The following DPYD variants were observed in gnomAD, a reference collection of about 807,000 sequenced individuals.
DPYD encodes dihydropyrimidine dehydrogenase [NADP(+)].
In DPYD, 109 loss-of-function variants were observed where a neutral mutation model predicts 116.2. The observed-to-expected ratio is 0.94, with a 90% CI of 0.80 to 1.10. DPYD has a LOEUF of 1.10. Ranked by LOEUF, DPYD falls within the 50% of genes least tolerant of loss-of-function variation. The pLI, the probability that DPYD is intolerant of heterozygous loss-of-function variation, is 0.00. For synonymous variants in DPYD, 440 were observed against 432.0 expected (o/e 1.02, Z -0.23); for missense variants, 1,302 against 1,254.5 (o/e 1.04, Z -0.57).
intron 3 of DPYD, chr1:97,775,122 C>A (rs979859168): frequency 6.4e-6 from 1 of 155,564 alleles, no homozygotes; most frequent in Non-Finnish European, 1.4e-5. Context: ...TTCACTTGTA[C>A]TCTCAATTTC....
intron 12 of DPYD, among the ~76,000 whole-genome samples, chr1:97,518,932 T>C (rs1485307490): frequency 2.6e-5 from 4 of 152,106 alleles, no homozygotes; most frequent in African/African-American, 9.7e-5. Context: ...AAAACACATA[T>C]ATCTATTTTG....
At chr1:97,420,898 C>T (rs1674546341) in intron 14 of DPYD, among the ~76,000 whole-genome samples, 1 of 152,166 alleles carries the variant, frequency 6.6e-6, no homozygotes, top group Admixed American at 6.6e-5. Flanking sequence ...GTAATTAATA[C>T]TCTGAACTAC....
intron 5 of DPYD, among the ~76,000 whole-genome samples, chr1:97,716,494 G>A (rs748970514): frequency 5.3e-5 from 8 of 151,956 alleles, no homozygotes; most frequent in Non-Finnish European, 5.9e-5. Flanking sequence ...TCATACATAT[G>A]ATCTTACTGT....
Position 97,165,343 on chromosome 1 carries a change from C to T in DPYD, c.2622+27726G>A, listed in dbSNP as rs1164236792. Among the ~76,000 whole-genome samples the T allele has an allele frequency of 4.6e-5, 7 of 152,012 alleles. No homozygotes were observed. The South Asian group carries it at 6.2e-4, about 14-fold the overall frequency. ...AGCAATGGGGAAAAGACTCCCTGTT[C>T]GATAAATGATGCTGAGATAAATGGC... is the stretch of plus-strand genomic sequence containing the variant. On this transcript the variant is annotated intron_variant, in intron 20 of 22. Coordinates refer to ENST00000370192, the MANE Select transcript of DPYD (RefSeq NM_000110.4).
intron 11 of DPYD, among the ~76,000 whole-genome samples, chr1:97,566,199 T>C (rs2102153768): frequency 6.6e-6 from 1 of 152,310 alleles, no homozygotes; most frequent in Middle Eastern, 3.4e-3. Context: ...GTACAATTTA[T>C]TGTAATTCTG....
intron 5 of DPYD, among the ~76,000 whole-genome samples, chr1:97,713,728 T>G (rs1662427933): frequency 2.0e-5 from 3 of 152,172 alleles, no homozygotes; most frequent in Non-Finnish European, 2.9e-5. Flanking sequence ...TTATTAGTGC[T>G]TAATGCATAT....
chr1:97,177,183 A>C (rs769692658), intron 20 of DPYD, among the ~76,000 whole-genome samples: 4 of 152,170 alleles, frequency 2.6e-5, no homozygotes, highest in Non-Finnish European at 5.9e-5. Context: ...TATTACTGTT[A>C]ATGTTTGCAT....
At chr1:97,245,011 T>C (rs1244532593) in intron 18 of DPYD, among the ~76,000 whole-genome samples, 1 of 152,070 alleles carries the variant, frequency 6.6e-6, no homozygotes, top group Non-Finnish European at 1.5e-5. Context: ...GTCCACTTCA[T>C]ATGAAAAAAT....
chr1:97,829,879 C>G (rs1669441759), intron 2 of DPYD, among the ~76,000 whole-genome samples: 1 of 151,836 alleles, frequency 6.6e-6, no homozygotes, highest in African/African-American at 2.4e-5. Flanking sequence ...GGTATTTCTC[C>G]TAATGCCATC....
intron 14 of DPYD, among the ~76,000 whole-genome samples, chr1:97,443,073 AGAG>A (rs936386405): frequency 1.3e-5 from 2 of 152,180 alleles, no homozygotes; most frequent in Non-Finnish European, 2.9e-5. Context: ...AAAGCAAGTC[AGAG>A]GAGATGTTGA....
intron 14 of DPYD, among the ~76,000 whole-genome samples, chr1:97,387,783 G>A (rs1200112144): frequency 6.6e-6 from 1 of 152,088 alleles, no homozygotes; most frequent in Non-Finnish European, 1.5e-5. Flanking sequence ...GAAAAAAGAA[G>A]GCTTTTGTGG....
At chr1:97,403,073 CTT>C (rs150206817) in intron 14 of DPYD, among the ~76,000 whole-genome samples, 1,953 of 152,120 alleles carry the variant, frequency 0.013, 23 homozygotes, top group South Asian at 0.023. Context: ...TCTAGCATGT[CTT>C]TGTCTGGTTT....
intron 2 of DPYD, among the ~76,000 whole-genome samples, chr1:97,847,931 G>C (rs908780442): frequency 6.6e-6 from 1 of 152,030 alleles, no homozygotes; most frequent in African/African-American, 2.4e-5. Flanking sequence ...AAAATAAAAG[G>C]ATGGGCTATG....
intron 20 of DPYD, among the ~76,000 whole-genome samples, chr1:97,151,770 A>G (rs1359193203): frequency 6.6e-6 from 1 of 152,194 alleles, no homozygotes; most frequent in African/African-American, 2.4e-5. Context: ...AGCTATTAAT[A>G]CAGACAGAAT....
chr1:97,660,881 G>A (rs554910886), intron 8 of DPYD, among the ~76,000 whole-genome samples: 3 of 152,028 alleles, frequency 2.0e-5, no homozygotes, highest in East Asian at 1.9e-4. Context: ...CTCACTCCCC[G>A]CTTAAATTTA....
intron 18 of DPYD, among the ~76,000 whole-genome samples, chr1:97,243,615 T>G (rs939549345): frequency 6.6e-6 from 1 of 151,832 alleles, no homozygotes; most frequent in African/African-American, 2.4e-5. Context: ...GAGTTAATAA[T>G]AATAATTGTT....
chr1:97,540,360 AACAAAACAAAAC>A (rs1359732013), intron 12 of DPYD, among the ~76,000 whole-genome samples: 1 of 96,106 alleles, frequency 1.0e-5, no homozygotes, highest in African/African-American at 4.9e-5. Context: ...CGGGGCAGGG[AACAAAACAAAAC>A]AAAACAAAAC....
intron 2 of DPYD, among the ~76,000 whole-genome samples, chr1:97,847,032 A>G (rs925289925): frequency 5.3e-4 from 80 of 152,150 alleles, no homozygotes; most frequent in African/African-American, 1.8e-3. Flanking sequence ...TCCCACTTAC[A>G]CTTTGGAACT....
At chr1:97,160,184 A>T (rs1034097998) in intron 20 of DPYD, among the ~76,000 whole-genome samples, 2 of 152,096 alleles carry the variant, frequency 1.3e-5, no homozygotes, top group Non-Finnish European at 2.9e-5. Flanking sequence ...ATAATTTTAG[A>T]ACAATTCTTA....
Sources: gnomAD v4.1 joint callset for allele counts (sites outside exome capture counted in the v4.1 genomes callset) on GRCh38, gnomAD v4.1.1 for gene constraint, MANE v1.5 for transcripts, NCBI Gene and HGNC (gene_info 2026-07-23, HGNC 2026-07-21) for gene names.